MGAT5: variants seen among roughly 807,000 people sequenced by gnomAD.
MGAT5 encodes alpha-1,6-mannosylglycoprotein 6-beta-N-acetylglucosaminyltransferase A.
Under a neutral mutation model 94.3 loss-of-function variants are expected in MGAT5, and 30 were observed. The ratio of observed to expected loss-of-function variants is 0.32; its 90% confidence interval spans 0.24 to 0.43. The LOEUF is 0.43. MGAT5 is among the 20% of genes least tolerant of loss of function. The pLI is 1.00. For synonymous variants in MGAT5, 310 were observed against 322.9 expected, an observed-to-expected ratio of 0.96 and a Z score of 0.43; for missense variants, 691 against 905.5, an observed-to-expected ratio of 0.76 and a Z score of 3.04.
At chr2:134,307,597 G>A (rs1186381213) in intron 2 of MGAT5, among the ~76,000 whole-genome samples, 4 of 152,058 alleles carry the variant, frequency 2.6e-5, no homozygotes, top group South Asian at 2.1e-4. Context: ...GTGGCAGGCC[G>A]TGTCAGCATA....
At chr2:134,426,694 G>A (rs1248733199) in intron 13 of MGAT5, among the ~76,000 whole-genome samples, 1 of 150,692 alleles carries the variant, frequency 6.6e-6, no homozygotes, top group Non-Finnish European at 1.5e-5. Flanking sequence ...GTCACCCATG[G>A]GTTGAGTAAA....
chr2:134,417,412 G>T (rs1436959107), intron 12 of MGAT5, among the ~76,000 whole-genome samples: 1 of 151,120 alleles, frequency 6.6e-6, no homozygotes, highest in Non-Finnish European at 1.5e-5. Flanking sequence ...GACCCACATT[G>T]CATTTAATAG....
At chr2:134,400,697 C>T (rs545306199) in intron 10 of MGAT5, among the ~76,000 whole-genome samples, 1 of 152,292 alleles carries the variant, frequency 6.6e-6, no homozygotes, top group East Asian at 1.9e-4. Flanking sequence ...TGTAGCTCAC[C>T]ACAGACATAG....
intron 4 of MGAT5, among the ~76,000 whole-genome samples, chr2:134,334,378 G>T (rs928828445): frequency 6.6e-6 from 1 of 150,586 alleles, no homozygotes; most frequent in Non-Finnish European, 1.5e-5. Context: ...CTTTAGTCTT[G>T]TTTCATCTTT....
chr2:134,161,268 G>C (rs1320023355), intron 1 of MGAT5, among the ~76,000 whole-genome samples: 1 of 152,226 alleles, frequency 6.6e-6, no homozygotes, highest in Non-Finnish European at 1.5e-5. Flanking sequence ...TGTTGAGCTG[G>C]AGCCAGGCCA....
chr2:134,346,406 A>C (rs2106028335), intron 8 of MGAT5, among the ~76,000 whole-genome samples: 1 of 152,288 alleles, frequency 6.6e-6, no homozygotes, highest in Middle Eastern at 3.4e-3. Flanking sequence ...TTCTTTAATA[A>C]ATCATCTATG....
intron 10 of MGAT5, among the ~76,000 whole-genome samples, chr2:134,370,674 G>T (rs936433192): frequency 6.6e-6 from 1 of 152,248 alleles, no homozygotes; most frequent in Non-Finnish European, 1.5e-5. Flanking sequence ...TGCCTGTTTT[G>T]TGCCTAGCAC....
chr2:134,310,436 G>T (rs755586), intron 2 of MGAT5, among the ~76,000 whole-genome samples: 23,420 of 152,216 alleles, frequency 0.15, 2,020 homozygotes, highest in South Asian at 0.3. Context: ...GGGTTGAATG[G>T]TGTGGTTTCA....
chr2:134,394,982 T>C lies in MGAT5; in HGVS notation c.1381-8006T>C, dbSNP rs138109006. 3.5e-3 allele frequency among the ~76,000 whole-genome samples: 529 copies of C among 152,298 alleles called. 7 individuals are homozygous for C. The highest frequency in any genetic ancestry group is 0.011 in the African/African-American group (474 of 41,562). ...GACAGCCCTCTTTGTCACTAAACAG[T>C]CTGTTTTCTGTGGTTACTGCCCAGA... On this transcript the variant is annotated intron_variant, in intron 10 of 15. Transcript: ENST00000281923.
intron 1 of MGAT5, among the ~76,000 whole-genome samples, chr2:134,208,089 A>C (rs562163828): frequency 6.6e-6 from 1 of 152,172 alleles, no homozygotes; most frequent in African/African-American, 2.4e-5. Flanking sequence ...AAGGATCCCC[A>C]AGGACACATT....
rs761429621 is a variant in MGAT5 at position 134,254,669 on chromosome 2, C to G, written c.241+25C>G. 33 of 1,612,478 alleles carry G rather than the reference C, an allele frequency of 2.0e-5. 3 individuals are homozygous for G. The South Asian group carries it at 3.6e-4, about 18-fold the overall frequency. On this transcript the variant is annotated intron_variant, in intron 1 of 15. Transcript: ENST00000281923. Reference sequence around the variant, plus strand: ...GGTAAGCACTGTTTCTGGGACCTCTCCATTAAAGTGTGCCTTGGCCTTGAA... The same window carrying G: ...GGTAAGCACTGTTTCTGGGACCTCTGCATTAAAGTGTGCCTTGGCCTTGAA...
chr2:134,428,281 G>A (rs1278736527), intron 13 of MGAT5, 84 bp from the exon 14 acceptor site: 24 of 1,274,838 alleles, frequency 1.9e-5, no homozygotes, highest in East Asian at 1.2e-4. Context: ...GTTAGCACCC[G>A]TGTATTGAGT....
chr2:134,406,408 G>A (rs527388797), intron 11 of MGAT5, among the ~76,000 whole-genome samples: 1 of 152,242 alleles, frequency 6.6e-6, no homozygotes, highest in East Asian at 1.9e-4. Context: ...GGGTCATGAC[G>A]GCACTGTTTC....
At chr2:134,157,803 C>A (rs1412779603) in intron 1 of MGAT5, among the ~76,000 whole-genome samples, 1 of 151,902 alleles carries the variant, frequency 6.6e-6, no homozygotes, top group Non-Finnish European at 1.5e-5. Flanking sequence ...TCATAAGGGG[C>A]ACACAGCCTA....
At chr2:134,326,548 C>T (rs151200432) in intron 4 of MGAT5, among the ~76,000 whole-genome samples, 396 of 152,144 alleles carry the variant, frequency 2.6e-3, no homozygotes, top group African/African-American at 8.2e-3. Flanking sequence ...CATACCACCC[C>T]AGTTTCCTTA....
rs1271703673 is a variant in MGAT5, at chr2:134,441,831, C to G, written c.1943C>G (p.Ser648Cys). 6.2e-7 allele frequency: 1 copy of G among 1,614,032 alleles called. No homozygotes were observed. The highest frequency in any genetic ancestry group is 1.3e-5 in the African/African-American group (1 of 74,908). ...GTCAAGCTTGCTGAGCCCGGGCAGT[C>G]CTGCAAGCAGGTGTGCCAGGAGAGC... ...LQVKLAEPGQ[S>C]CKQVCQESQL... The change falls in exon 15 of 16, where the codon TCC (serine) becomes TGC (cysteine). Residue 648 changes from serine to cysteine, a missense_variant. Ser to Cys is a moderately radical substitution (Grantham distance 112). Transcript: ENST00000281923.
intron 15 of MGAT5, among the ~76,000 whole-genome samples, chr2:134,442,814 C>T (rs1685560649): frequency 6.6e-6 from 1 of 152,100 alleles, no homozygotes; most frequent in Admixed American, 6.5e-5. Flanking sequence ...CCTCCCCACC[C>T]ACCCACCACC....
At chr2:134,181,702 C>T (rs1430153231) in intron 1 of MGAT5, among the ~76,000 whole-genome samples, 1 of 152,092 alleles carries the variant, frequency 6.6e-6, no homozygotes, top group East Asian at 1.9e-4. Context: ...TTTATATATA[C>T]ACCTCAGATT....
chr2:134,423,842 T>C (rs1031485998), intron 13 of MGAT5, among the ~76,000 whole-genome samples: 4 of 152,152 alleles, frequency 2.6e-5, no homozygotes, highest in African/African-American at 9.7e-5. Flanking sequence ...TAGTGTTTAG[T>C]CAATATTATG....
Sources: allele counts gnomAD v4.1 joint callset (sites outside exome capture counted in the v4.1 genomes callset), GRCh38; gene constraint gnomAD v4.1.1; transcripts MANE v1.5; gene names NCBI Gene and HGNC (gene_info 2026-07-23, HGNC 2026-07-21).